Variants in ABCC4 observed in about 807,000 individuals in gnomAD.
ABCC4 encodes the protein ATP-binding cassette sub-family C member 4.
In ABCC4, 102 loss-of-function variants were observed where a neutral mutation model predicts 168.5. The observed-to-expected ratio is 0.61, with a 90% CI of 0.52 to 0.71. The LOEUF (loss-of-function observed/expected upper bound fraction) is 0.71. Ranked by LOEUF, ABCC4 falls within the 30% of genes least tolerant of loss-of-function variation. The pLI is 0.00. For missense variants in ABCC4, 1,402 were observed against 1,605.8 expected (o/e 0.87, Z 2.17); for synonymous variants, 617 against 590.7 (o/e 1.04, Z -0.65).
At chr13:95,030,269 C>T (rs1593970603) in intron 30 of ABCC4, among the ~76,000 whole-genome samples, 1 of 152,100 alleles carries the variant, frequency 6.6e-6, no homozygotes, top group Non-Finnish European at 1.5e-5. Context: ...GATATACCCG[C>T]CTCAACTTCC....
chr13:95,032,195 G>A (rs2031905759), intron 30 of ABCC4, among the ~76,000 whole-genome samples: 1 of 152,130 alleles, frequency 6.6e-6, no homozygotes, highest in South Asian at 2.1e-4. Context: ...ACAGATTTTT[G>A]TCGATCCTAA....
At chr13:95,029,186 A>ATCTATC (rs1566355143) in intron 30 of ABCC4, among the ~76,000 whole-genome samples, 6 of 57,754 alleles carry the variant, frequency 1.0e-4, no homozygotes, top group African/African-American at 3.1e-4. Context: ...ATATATATAT[A>ATCTATC]TATATATATA....
At chr13:95,075,950 C>G (rs890062616) in intron 21 of ABCC4, among the ~76,000 whole-genome samples, 3 of 152,178 alleles carry the variant, frequency 2.0e-5, no homozygotes, top group African/African-American at 7.2e-5. Flanking sequence ...TAAGAGTACT[C>G]ACCATACTGA....
At chr13:95,029,384 T>C (rs2031759281) in intron 30 of ABCC4, among the ~76,000 whole-genome samples, 1 of 151,926 alleles carries the variant, frequency 6.6e-6, no homozygotes, top group Non-Finnish European at 1.5e-5. Flanking sequence ...AGCTATTATT[T>C]GTGCTCAAAA....
At chr13:95,116,108 T>C (rs2296652) in intron 19 of ABCC4, 107 bp from the exon 20 acceptor site, 25,390 of 703,030 alleles carry the variant, frequency 0.036, 957 homozygotes, top group African/African-American at 0.16. Context: ...ATGTATTTAA[T>C]ATATTATTCA....
At chr13:95,246,823 G>A in intron 3 of ABCC4, 152 bp downstream of exon 3, 1 of 864,894 alleles carries the variant, frequency 1.2e-6, no homozygotes, top group East Asian at 2.5e-5. Flanking sequence ...ATACTTCCTA[G>A]ACATGTTTAA....
At chr13:95,285,863 G>A (rs766287460) in intron 1 of ABCC4, among the ~76,000 whole-genome samples, 1 of 152,174 alleles carries the variant, frequency 6.6e-6, no homozygotes, top group Non-Finnish European at 1.5e-5. Flanking sequence ...GCAGAGCTAT[G>A]CCTTGTAAAG....
intron 3 of ABCC4, among the ~76,000 whole-genome samples, chr13:95,236,907 C>A (rs921548871): frequency 6.6e-6 from 1 of 152,200 alleles, no homozygotes; most frequent in Non-Finnish European, 1.5e-5. Context: ...GACGGCCAAA[C>A]TGTACACATG....
At chr13:95,224,310 A>G (rs2039394748) in intron 4 of ABCC4, among the ~76,000 whole-genome samples, 1 of 152,126 alleles carries the variant, frequency 6.6e-6, no homozygotes, top group Non-Finnish European at 1.5e-5. Flanking sequence ...ACACCTTTGA[A>G]GGGAGAGGGG....
chr13:95,044,342 C>A lies in ABCC4; in HGVS notation c.3553G>T (p.Val1185Leu), dbSNP rs1168622109. ...CTGAGAATTGCCCTGGCAAGGCACA[C>A]CAGTTGTCTTTGTCCAACACTAAAA... ...SNFSVGQRQL[V>L]CLARAILRKN... The change falls in exon 28 of 31, where the codon GTG becomes TTG. Residue 1185 changes from valine (V) to leucine (L), a missense_variant. Val to Leu is a conservative substitution (Grantham distance 32). Transcript: ENST00000645237. 10 of 1,613,716 alleles carry A rather than the reference C, an allele frequency of 6.2e-6. No individual in the cohort carries two copies. Among genetic ancestry groups the A allele is most frequent in the Non-Finnish European group, 7.6e-6 (9 of 1,179,920 alleles).
chr13:95,146,466 C>T (rs1462520727), intron 19 of ABCC4, among the ~76,000 whole-genome samples: 2 of 152,128 alleles, frequency 1.3e-5, no homozygotes, highest in East Asian at 1.9e-4. Context: ...AGACAGTAAC[C>T]GGTTACCTTA....
intron 26 of ABCC4, chr13:95,055,907 A>G (rs1015892872): frequency 2.6e-5 from 4 of 151,872 alleles, no homozygotes; most frequent in African/African-American, 9.7e-5. Flanking sequence ...CAGCAAAAAA[A>G]AAACCCACCA....
chr13:95,080,577 G>T (rs888565354), intron 21 of ABCC4, among the ~76,000 whole-genome samples: 1 of 152,044 alleles, frequency 6.6e-6, no homozygotes, highest in Non-Finnish European at 1.5e-5. Context: ...GGGTTCAAGA[G>T]ATTCTCATGT....
At chr13:95,222,870 T>C (rs1171593750) in intron 4 of ABCC4, among the ~76,000 whole-genome samples, 1 of 152,120 alleles carries the variant, frequency 6.6e-6, no homozygotes, top group Admixed American at 6.5e-5. Context: ...AGGGACGCTT[T>C]CGGTATCTAG....
intron 4 of ABCC4, among the ~76,000 whole-genome samples, 199 bp from the exon 5 acceptor site, chr13:95,210,980 A>G (rs4148471): frequency 0.76 from 114,543 of 151,064 alleles, 44,004 homozygotes; most frequent in Non-Finnish European, 0.84. Flanking sequence ...GCAAAGCGAG[A>G]GGTAGGAAGA....
intron 20 of ABCC4, among the ~76,000 whole-genome samples, chr13:95,103,820 C>T (rs898612658): frequency 6.6e-6 from 1 of 152,122 alleles, no homozygotes; most frequent in African/African-American, 2.4e-5. Flanking sequence ...TGTGATCTGG[C>T]CCCTCTGCAT....
At chr13:95,279,887 G>A (rs58423375) in intron 1 of ABCC4, among the ~76,000 whole-genome samples, 1,784 of 152,190 alleles carry the variant, frequency 0.012, 34 homozygotes, top group African/African-American at 0.04. Context: ...CCTTGTTTCT[G>A]GCCCAATTCC....
chr13:95,213,658 G>A (rs895010785), intron 4 of ABCC4, among the ~76,000 whole-genome samples: 12 of 152,160 alleles, frequency 7.9e-5, no homozygotes, highest in African/African-American at 2.7e-4. Context: ...GAGACACCAG[G>A]AAGGCTATGT....
intron 20 of ABCC4, chr13:95,096,001 T>C (rs1451633902): frequency 5.0e-6 from 2 of 402,046 alleles, no homozygotes; most frequent in Non-Finnish European, 8.8e-6. Context: ...ATGAAAAGTA[T>C]AAGAGCAAAA....
Sources: allele counts gnomAD v4.1 joint callset (sites outside exome capture counted in the v4.1 genomes callset), GRCh38; gene constraint gnomAD v4.1.1; transcripts MANE v1.5; gene names NCBI Gene and HGNC (gene_info 2026-07-23, HGNC 2026-07-21).